Variants in KIF26A observed in about 807,000 individuals in gnomAD.
The protein encoded by KIF26A is kinesin-like protein KIF26A.
KIF26A carries 74 observed loss-of-function variants against 126.0 expected under a neutral mutation model. That is an observed-to-expected ratio of 0.59 (90% CI 0.49 to 0.71). The LOEUF (loss-of-function observed/expected upper bound fraction) is 0.71. Ranked by LOEUF, KIF26A falls within the 30% of genes least tolerant of loss-of-function variation. The pLI, the probability that KIF26A is intolerant of heterozygous loss-of-function variation, is 0.00. For synonymous variants in KIF26A, 1,445 were observed against 1,232.7 expected (o/e 1.17, Z -3.61); for missense variants, 2,984 against 2,763.3 (o/e 1.08, Z -1.79).
At chr14:104,166,542 G>A (rs1005092124) in intron 4 of KIF26A, among the ~76,000 whole-genome samples, 4 of 152,106 alleles carry the variant, frequency 2.6e-5, no homozygotes, top group Non-Finnish European at 4.4e-5. Flanking sequence ...GGGGGATGAG[G>A]GCACACCCCT....
chr14:104,145,162 C>T (rs1013783089), intron 2 of KIF26A, among the ~76,000 whole-genome samples: 3 of 152,254 alleles, frequency 2.0e-5, no homozygotes, highest in African/African-American at 7.2e-5. Flanking sequence ...CTCAGTTTCC[C>T]GCCTGTGAAC....
chr14:104,173,940 G>A, intron 10 of KIF26A, 72 bp downstream of exon 10: 1 of 1,493,592 alleles, frequency 6.7e-7, no homozygotes, highest in Non-Finnish European at 8.9e-7. Context: ...TGTCTGGTGT[G>A]CCCGGTGCTG....
intron 4 of KIF26A, among the ~76,000 whole-genome samples, chr14:104,166,559 G>C (rs528139148): frequency 1.3e-5 from 2 of 152,140 alleles, no homozygotes; most frequent in Non-Finnish European, 2.9e-5. Flanking sequence ...CCCTTGGTGG[G>C]GGGATGGCAT....
chr14:104,177,104 A>G lies in KIF26A; in HGVS notation c.4316A>G (p.Glu1439Gly), dbSNP rs1226760945. 1 of 1,597,182 alleles carries G rather than the reference A, an allele frequency of 6.3e-7. No individual in the cohort carries two copies. The highest frequency in any genetic ancestry group is 8.5e-7 in the Non-Finnish European group (1 of 1,179,312). ...AHRLAGHASL[E>G]RYEGLAHSSS... ...CGTCTTGCCGGACACGCGTCTCTGG[A>G]GCGGTACGAAGGCCTGGCGCACAGC... Residue 1439 changes from glutamate to glycine, a missense_variant, in exon 12 of 15, where the codon GAG becomes GGG. Coordinates refer to ENST00000423312, the MANE Select transcript of KIF26A (RefSeq NM_015656.2).
At chr14:104,143,808 G>A (rs1198032299) in intron 2 of KIF26A, among the ~76,000 whole-genome samples, 3 of 152,344 alleles carry the variant, frequency 2.0e-5, no homozygotes, top group East Asian at 3.9e-4. Flanking sequence ...TCGGGGATCC[G>A]CAGGGTGGGG....
At position 104,173,059 on chromosome 14, in the gene KIF26A, G is replaced by C. The variant is rs910120392; in HGVS notation, c.1503G>C (p.Arg501Ser). The C allele has an allele frequency of 6.2e-7, 1 of 1,605,954 alleles. No individual in the cohort carries two copies. The highest frequency in any genetic ancestry group is 8.5e-7 in the Non-Finnish European group (1 of 1,177,210). ...CCTGCGCCATCTCCTGGCTCTTCAG[G>C]CTCATCGAGGAGCGCAGGGAGAGGA... ...IVPCAISWLF[R>S]LIEERRERTG... Residue 501 changes from arginine to serine, a missense_variant, in exon 8 of 15, where the codon AGG (arginine) becomes AGC (serine). Physicochemically the swap from Arg to Ser is moderately radical, Grantham distance 110. Transcript: ENST00000423312.
chr14:104,179,681 T>C lies in KIF26A; in HGVS notation c.5540T>C (p.Leu1847Pro). ...LAALERATAA[L>P]EQCVNLCKAH... ...GCCCTGGAGCGAGCCACGGCGGCCC[T>C]GGAGCAGTGCGTGAACCTGTGCAAG... Residue 1847 changes from leucine to proline, a missense_variant, in exon 15 of 15, where the codon CTG (leucine) becomes CCG (proline). Physicochemically the swap from Leu to Pro is moderately conservative, Grantham distance 98. Coordinates refer to ENST00000423312, the MANE Select transcript of KIF26A (RefSeq NM_015656.2). The C allele has an allele frequency of 2.6e-6, 4 of 1,549,228 alleles. No homozygotes were observed. The highest frequency in any genetic ancestry group is 3.5e-6 in the Non-Finnish European group (4 of 1,146,474).
rs1196269439 is a variant in KIF26A at position 104,151,527 on chromosome 14, G to A, written c.289-488G>A. Among the ~76,000 whole-genome samples the A allele has an allele frequency of 6.6e-6, 1 of 152,212 alleles. No homozygotes were observed. Among genetic ancestry groups the A allele is most frequent in the African/African-American group, 2.4e-5 (1 of 41,454 alleles). ...GACACCTTTACAGCAGCACTGATTTGATTTTCCACCTGCCCCACCGGGGCT... is the reference window on the plus strand; with the variant it reads ...GACACCTTTACAGCAGCACTGATTTAATTTTCCACCTGCCCCACCGGGGCT... On this transcript the variant is annotated intron_variant, in intron 2 of 14. Transcript: ENST00000423312. This position sits in a 1 kb window ranked among gnomAD's most constrained non-coding sequence, Gnocchi z 4.9.
At chr14:104,140,785 C>G (rs1284517350) in intron 2 of KIF26A, among the ~76,000 whole-genome samples, 1 of 152,190 alleles carries the variant, frequency 6.6e-6, no homozygotes. Context: ...GCCTTTGACA[C>G]TGGAAACTCC....
At chr14:104,144,093 C>T (rs1009835826) in intron 2 of KIF26A, among the ~76,000 whole-genome samples, 12 of 152,320 alleles carry the variant, frequency 7.9e-5, no homozygotes, top group South Asian at 2.1e-4. Context: ...CCTGGACAGG[C>T]GGTGCTGCCT....
At position 104,140,087 on chromosome 14, in the gene KIF26A, G is replaced by C. The variant is rs563587011; in HGVS notation, c.288+799G>C. 1.8e-3 allele frequency among the ~76,000 whole-genome samples: 281 copies of C among 152,332 alleles called. 1 individual carries two copies. The highest frequency in any genetic ancestry group is 6.6e-3 in the African/African-American group (276 of 41,574). ...TCAGCCTTTATGAAAGAGTTCCTGG[G>C]AAGTCCGCATAATCCCCATTGAATC... On this transcript the variant is annotated intron_variant, in intron 2 of 14. Transcript: ENST00000423312.
rs1014163698 is a variant in KIF26A, at chr14:104,176,128, C to T, written c.3340C>T (p.Leu1114Phe). The change falls in exon 12 of 15, where the codon CTC becomes TTC. Residue 1114 changes from leucine to phenylalanine, a missense_variant. Coordinates refer to ENST00000423312, the MANE Select transcript of KIF26A (RefSeq NM_015656.2). The stretch of plus-strand genomic sequence containing the variant: ...TCACGGCTCCTCCATCAGCTCCTGG[C>T]TCAGCGAGGTCAGCGTCTGCACTGC... ...SSHGSSISSW[L>F]SEVSVCTADS... is the part of the protein sequence containing the mutation. 1.3e-6 allele frequency: 2 copies of T among 1,581,184 alleles called. No individual in the cohort carries two copies. Among genetic ancestry groups the T allele is most frequent in the Non-Finnish European group, 1.7e-6 (2 of 1,164,506 alleles).
intron 3 of KIF26A, among the ~76,000 whole-genome samples, chr14:104,155,536 C>T (rs1414145178): frequency 6.6e-6 from 1 of 151,958 alleles, no homozygotes; most frequent in Admixed American, 6.5e-5. Flanking sequence ...TGGCCGCCCG[C>T]CCCCCCTCTC....
chr14:104,160,604 C>T (rs1477859864), intron 4 of KIF26A, among the ~76,000 whole-genome samples: 2 of 152,072 alleles, frequency 1.3e-5, no homozygotes, highest in African/African-American at 2.4e-5. Context: ...GGGTGGGGCG[C>T]GTGGGCCGGG....
chr14:104,175,472 C>G lies in KIF26A; in HGVS notation c.2684C>G (p.Ala895Gly), dbSNP rs2038011306. ...AGGAAGGCCGTGGGCACCCCGATGG[C>G]TGCCAGCACCCCTCGAGGCAGTTCT... ...SPRKAVGTPM[A>G]ASTPRGSSGP... is the part of the protein sequence containing the mutation. The change falls in exon 12 of 15, where the codon GCT becomes GGT. Residue 895 changes from alanine (A) to glycine (G), a missense_variant. Transcript: ENST00000423312. 3.1e-6 allele frequency: 5 copies of G among 1,592,552 alleles called. No homozygotes were observed. The highest frequency in any genetic ancestry group is 2.2e-5 in the South Asian group (2 of 89,678).
intron 12 of KIF26A, 142 bp downstream of exon 12, chr14:104,178,040 C>T (rs570887789): frequency 3.5e-4 from 349 of 991,724 alleles, no homozygotes; most frequent in Middle Eastern, 6.6e-4. Context: ...CAGCCGTGGA[C>T]GGTTTACAGA....
At position 104,177,076 on chromosome 14, in the gene KIF26A, C is replaced by A; in HGVS notation, c.4288C>A (p.His1430Asn). 6.3e-7 allele frequency: 1 copy of A among 1,594,548 alleles called. No individual in the cohort carries two copies. The highest frequency in any genetic ancestry group is 1.1e-5 in the South Asian group (1 of 90,216). Residue 1430 changes from histidine (H) to asparagine (N), a missense_variant, in exon 12 of 15, where the codon CAC becomes AAC. By Grantham distance (68) the His-to-Asn change is moderately conservative. Coordinates refer to ENST00000423312, the MANE Select transcript of KIF26A (RefSeq NM_015656.2). The part of the protein sequence containing the change: ...KARASKVEAA[H>N]RLAGHASLER... ...CCGGGCCAGCAAGGTAGAAGCAGCA[C>A]ACCGTCTTGCCGGACACGCGTCTCT...
At position 104,177,424 on chromosome 14, in the gene KIF26A, G is replaced by A. The variant is rs2038045096; in HGVS notation, c.4636G>A (p.Ala1546Thr). 1 of 1,513,386 alleles carries A rather than the reference G, an allele frequency of 6.6e-7. No individual in the cohort carries two copies. The highest frequency in any genetic ancestry group is 8.8e-7 in the Non-Finnish European group (1 of 1,134,614). The allele number at this position is 1,513,386 out of a possible 1,614,324, so 93.7% of individuals were successfully genotyped here. A position where few individuals can be genotyped will look rare whatever the true frequency, so the allele number is the denominator to read the frequency against. The change falls in exon 12 of 15, where the codon GCG (alanine) becomes ACG (threonine). Residue 1546 changes from alanine to threonine, a missense_variant. By Grantham distance (58) the Ala-to-Thr change is moderately conservative. Coordinates refer to ENST00000423312, the MANE Select transcript of KIF26A (RefSeq NM_015656.2). ...AAPRAGPSVG[A>T]KAGRGTVMGT... is the part of the protein sequence containing the mutation. ...CCCACGGGCCGGGCCCAGTGTCGGG[G>A]CGAAGGCTGGCCGGGGTACCGTCAT...
rs2038013576 is a variant in KIF26A, at chr14:104,175,632, G to T, written c.2844G>T (p.Leu948=). Reference sequence around the variant, plus strand: ...CAGTGAGTGGAGGCAGGAGGCCACTGCCCAGCCCGGCTCCCCCACCTCCTC... The same window carrying T: ...CAGTGAGTGGAGGCAGGAGGCCACTTCCCAGCCCGGCTCCCCCACCTCCTC... The part of the protein sequence containing the change: ...KAAVSGGRRP[L]PSPAPPPPQL... The change falls in exon 12 of 15, where the codon CTG becomes CTT. Residue 948 remains leucine, a synonymous_variant. Coordinates refer to ENST00000423312, the MANE Select transcript of KIF26A (RefSeq NM_015656.2). The T allele has an allele frequency of 6.2e-7, 1 of 1,610,580 alleles. No homozygotes were observed. The highest frequency in any genetic ancestry group is 8.5e-7 in the Non-Finnish European group (1 of 1,179,580).
Sources: allele counts gnomAD v4.1 joint callset (sites outside exome capture counted in the v4.1 genomes callset), GRCh38; gene constraint gnomAD v4.1.1; non-coding constraint Gnocchi (gnomAD v3.1); transcripts MANE v1.5; gene names NCBI Gene and HGNC (gene_info 2026-07-23, HGNC 2026-07-21).